Variants in ZNF513 observed in about 807,000 individuals in gnomAD.
ZNF513 encodes zinc finger protein 513.
In ZNF513, 16 loss-of-function variants were observed where a neutral mutation model predicts 39.7. The observed-to-expected ratio is 0.40, with a 90% confidence interval of 0.27 to 0.61. The LOEUF is 0.61. Among genes scored for constraint, ZNF513 ranks in the 20% least tolerant of loss-of-function variants. The pLI is 0.39. For missense variants in ZNF513, 699 were observed against 743.6 expected, an observed-to-expected ratio of 0.94 and a Z score of 0.70; for synonymous variants, 348 against 296.5, an observed-to-expected ratio of 1.17 and a Z score of -1.79.
At position 27,380,511 on chromosome 2, in the gene ZNF513, G is replaced by A. The variant is rs1339532711; in HGVS notation, c.16C>T (p.Gln6Ter). Residue 6 changes from glutamine to a stop codon, truncating the protein, a stop_gained, in exon 1 of 4, where the codon CAA becomes TAA. Coordinates refer to ENST00000323703, the MANE Select transcript of ZNF513 (RefSeq NM_144631.6). LOFTEE classifies it high-confidence loss of function. MPRRK[Q>*]SHPQPVKCEG... ...CATTTCACGGGCTGCGGGTGGCTTTGCTTCCTTCGGGGCATCGTGACCGGC... is the reference window on the plus strand; with the variant it reads ...CATTTCACGGGCTGCGGGTGGCTTTACTTCCTTCGGGGCATCGTGACCGGC... The A allele has an allele frequency of 1.9e-6, 3 of 1,578,940 alleles. No individual in the cohort carries two copies. Among genetic ancestry groups the A allele is most frequent in the Non-Finnish European group, 2.6e-6 (3 of 1,153,832 alleles).
In ZNF513 at chr2:27,378,993, G is replaced by T; in HGVS notation, c.273C>A (p.Gly91=). Residue 91 remains glycine, a synonymous_variant, in exon 3 of 4, where the codon GGC becomes GGA. Transcript: ENST00000323703. The surrounding 1 kb of genome is among the most constrained non-coding windows in gnomAD (Gnocchi z 8.0). ...PYGLSDDESG[G]GRALSAESEV... ...CACTCTCCGCACTTAGTGCCCGGCC[G>T]CCCCCAGACTCATCGTCGCTCAGCC... The T allele has an allele frequency of 6.2e-7, 1 of 1,613,068 alleles. No individual in the cohort carries two copies. Among genetic ancestry groups the T allele is most frequent in the Non-Finnish European group, 8.5e-7 (1 of 1,179,930 alleles).
chr2:27,377,666 G>A lies in ZNF513; in HGVS notation c.1505C>T (p.Pro502Leu). 1 of 1,614,164 alleles carries A rather than the reference G, an allele frequency of 6.2e-7. No homozygotes were observed. Among genetic ancestry groups the A allele is most frequent in the Non-Finnish European group, 8.5e-7 (1 of 1,180,038 alleles). ...KVHGHGGAGG[P>L]GLSASEGWAP... ...CCAGCCCTCAGAGGCAGAGAGACCAGGCCCTCCTGCCCCACCGTGGCCATG... is the reference window on the plus strand; with the variant it reads ...CCAGCCCTCAGAGGCAGAGAGACCAAGCCCTCCTGCCCCACCGTGGCCATG... The change falls in exon 4 of 4, where the codon CCT becomes CTT. Residue 502 changes from proline to leucine, a missense_variant. Pro to Leu is a moderately conservative substitution (Grantham distance 98). This residue lies in a region of ZNF513 where 71 missense variants were observed against 64.1 expected (regional missense o/e 1.11). Coordinates refer to ENST00000323703, the MANE Select transcript of ZNF513 (RefSeq NM_144631.6). The surrounding 1 kb of genome is among the most constrained non-coding windows in gnomAD (Gnocchi z 4.4).
rs756896556 is a variant in ZNF513 at position 27,377,998 on chromosome 2, G to A, written c.1173C>T (p.Ala391=). Residue 391 remains alanine (A), a synonymous_variant, in exon 4 of 4, where the codon GCC becomes GCT. Transcript: ENST00000323703. This position sits in a 1 kb window ranked among gnomAD's most constrained non-coding sequence, Gnocchi z 4.4. ...THSGEKPFRC[A]RCPYASAHLD... ...GATGAGCAGAGGCATAAGGACAGCG[G>A]GCGCAGCGGAAGGGCTTCTCACCAC... The A allele has an allele frequency of 6.2e-7, 1 of 1,612,972 alleles. No homozygotes were observed. The highest frequency in any genetic ancestry group is 8.5e-7 in the Non-Finnish European group (1 of 1,179,046).
chr2:27,380,678 G>A lies in ZNF513; in HGVS notation c.-152C>T. Reference sequence around the variant, plus strand: ...CTGGGCAGCCCCCGGCCCTGGCCCCGGCGCCCAGCTCAGGCCGCTCCCGCC... The same window carrying A: ...CTGGGCAGCCCCCGGCCCTGGCCCCAGCGCCCAGCTCAGGCCGCTCCCGCC... On this transcript the variant is annotated 5_prime_UTR_variant, in exon 1 of 4. Coordinates refer to ENST00000323703, the MANE Select transcript of ZNF513 (RefSeq NM_144631.6). 3.2e-6 allele frequency: 4 copies of A among 1,256,082 alleles called. No individual in the cohort carries two copies. Among genetic ancestry groups the A allele is most frequent in the South Asian group, 3.1e-5 (1 of 32,452 alleles). 77.8% of individuals were successfully genotyped at this position (1,256,082 alleles called of 1,614,324 possible).
At chr2:27,379,317 C>T (rs1468306254) in intron 2 of ZNF513, among the ~76,000 whole-genome samples, 1 of 152,130 alleles carries the variant, frequency 6.6e-6, no homozygotes, top group East Asian at 1.9e-4. Flanking sequence ...GGATCAAGGG[C>T]TCACAGTGGA....
rs1050623709 is a variant in ZNF513, at chr2:27,377,447, T to C, written c.*98A>G. 5 of 1,372,892 alleles carry C rather than the reference T, an allele frequency of 3.6e-6. No individual in the cohort carries two copies. The highest frequency in any genetic ancestry group is 1.4e-5 in the African/African-American group (1 of 70,394). The allele number at this position is 1,372,892 out of a possible 1,614,324, so 85.0% of individuals were successfully genotyped here. On this transcript the variant is annotated 3_prime_UTR_variant, in exon 4 of 4. Coordinates refer to ENST00000323703, the MANE Select transcript of ZNF513 (RefSeq NM_144631.6). This position sits in a 1 kb window ranked among gnomAD's most constrained non-coding sequence, Gnocchi z 4.4. ...GCCCATGGGGTTGGGCTGGTCCTTATAGTGCCTACGTTAGTCTGTGTGGAG... is the reference window on the plus strand; with the variant it reads ...GCCCATGGGGTTGGGCTGGTCCTTACAGTGCCTACGTTAGTCTGTGTGGAG...
Position 27,378,198 on chromosome 2 carries a change from C to T in ZNF513, c.973G>A (p.Glu325Lys), listed in dbSNP as rs1683435423. ...TCRGCGQELE[E>K]GEGSRLGAAM... is the part of the protein sequence containing the mutation. ...GCTCCCAGCCGACTACCCTCACCCT[C>T]CTCCAGCTCTTGTCCACAGCCCCGG... Residue 325 changes from glutamate (E) to lysine (K), a missense_variant, in exon 4 of 4, where the codon GAG becomes AAG. By Grantham distance (56) the Glu-to-Lys change is moderately conservative (BLOSUM62 1). Coordinates refer to ENST00000323703, the MANE Select transcript of ZNF513 (RefSeq NM_144631.6). This position sits in a 1 kb window ranked among gnomAD's most constrained non-coding sequence, Gnocchi z 8.0. 2 of 1,609,692 alleles carry T rather than the reference C, an allele frequency of 1.2e-6. No homozygotes were observed. The highest frequency in any genetic ancestry group is 1.7e-6 in the Non-Finnish European group (2 of 1,179,938).
chr2:27,379,821 G>A (rs187377448), intron 2 of ZNF513, among the ~76,000 whole-genome samples: 163 of 152,308 alleles, frequency 1.1e-3, no homozygotes, highest in African/African-American at 3.6e-3. Flanking sequence ...AATGGGCTAG[G>A]GAGAGAGACA....
chr2:27,379,095 G>A (rs1558313392), intron 2 of ZNF513, 41 bp from the exon 3 acceptor site: 3 of 1,594,080 alleles, frequency 1.9e-6, no homozygotes, highest in Non-Finnish European at 2.6e-6. Flanking sequence ...GCATAGGGTA[G>A]GATCAGGCTC....
Position 27,378,987 on chromosome 2 carries a change from C to T in ZNF513, c.279G>A (p.Arg93=), listed in dbSNP as rs2148413841. The T allele has an allele frequency of 6.2e-7, 1 of 1,613,102 alleles. No homozygotes were observed. Among genetic ancestry groups the T allele is most frequent in the Admixed American group, 1.7e-5 (1 of 60,010 alleles). Residue 93 remains arginine (R), a synonymous_variant, in exon 3 of 4, where the codon CGG becomes CGA. Coordinates refer to ENST00000323703, the MANE Select transcript of ZNF513 (RefSeq NM_144631.6). The surrounding 1 kb of genome is among the most constrained non-coding windows in gnomAD (Gnocchi z 8.0). ...GLSDDESGGG[R]ALSAESEVEE... Reference sequence around the variant, plus strand: ...CAACTTCACTCTCCGCACTTAGTGCCCGGCCGCCCCCAGACTCATCGTCGC... The same window carrying T: ...CAACTTCACTCTCCGCACTTAGTGCTCGGCCGCCCCCAGACTCATCGTCGC...
In ZNF513 at chr2:27,377,770, T is replaced by G; in HGVS notation, c.1401A>C (p.Thr467=). The G allele has an allele frequency of 6.2e-7, 1 of 1,611,350 alleles. No homozygotes were observed. Among genetic ancestry groups the G allele is most frequent in the Non-Finnish European group, 8.5e-7 (1 of 1,179,066 alleles). Residue 467 remains threonine (T), a synonymous_variant, in exon 4 of 4, where the codon ACA becomes ACC. Coordinates refer to ENST00000323703, the MANE Select transcript of ZNF513 (RefSeq NM_144631.6). This position sits in a 1 kb window ranked among gnomAD's most constrained non-coding sequence, Gnocchi z 4.4. Reference sequence around the variant, plus strand: ...TGGCACAGCGGAAGGGCTTCTCGCCTGTGTGCCGCAGCATGTGACGTTTGA... The same window carrying G: ...TGGCACAGCGGAAGGGCTTCTCGCCGGTGTGCCGCAGCATGTGACGTTTGA... The part of the protein sequence containing the change: ...MNLKRHMLRH[T]GEKPFRCATC...
chr2:27,377,675 G>C lies in ZNF513; in HGVS notation c.1496C>G (p.Ala499Gly). The C allele has an allele frequency of 1.2e-6, 2 of 1,614,134 alleles. No individual in the cohort carries two copies. The highest frequency in any genetic ancestry group is 2.2e-5 in the South Asian group (2 of 91,080). Residue 499 changes from alanine to glycine, a missense_variant, in exon 4 of 4, where the codon GCA becomes GGA. By Grantham distance (60) the Ala-to-Gly change is moderately conservative (BLOSUM62 0). Around this residue, in one of 3 missense-constraint regions of ZNF513, gnomAD observed 71 missense variants for 64.1 expected, o/e 1.11. Transcript: ENST00000323703. This position sits in a 1 kb window ranked among gnomAD's most constrained non-coding sequence, Gnocchi z 4.4. ...AGAGGCAGAGAGACCAGGCCCTCCT[G>C]CCCCACCGTGGCCATGCACCTTCTG... ...RHQKVHGHGG[A>G]GGPGLSASEG...
rs150826199 is a variant in ZNF513, at chr2:27,378,541, C to T, written c.725G>A (p.Arg242His). 3.4e-5 allele frequency: 55 copies of T among 1,614,066 alleles called. No homozygotes were observed. In the African/African-American group the frequency reaches 5.7e-4, roughly 17 times the overall value. The part of the protein sequence containing the change: ...PTPPCPTCGF[R>H]CCTPRPARPP... ...CCGGGCTGGTCGTGGAGTACAGCAG[C>T]GGAAGCCACAGGTCGGGCAGGGAGG... Residue 242 changes from arginine (R) to histidine (H), a missense_variant, in exon 3 of 4, where the codon CGC becomes CAC. Arg to His is a conservative substitution (Grantham distance 29). This residue lies in a region of ZNF513 where 530 missense variants were observed against 499.3 expected (regional missense o/e 1.06). Transcript: ENST00000323703. The surrounding 1 kb of genome is among the most constrained non-coding windows in gnomAD (Gnocchi z 8.0).
Position 27,378,314 on chromosome 2 carries a change from A to G in ZNF513, c.857T>C (p.Leu286Pro). The G allele has an allele frequency of 1.2e-6, 2 of 1,601,182 alleles. No individual in the cohort carries two copies. Among genetic ancestry groups the G allele is most frequent in the Non-Finnish European group, 1.7e-6 (2 of 1,179,958 alleles). The change falls in exon 4 of 4, where the codon CTG (leucine) becomes CCG (proline). Residue 286 changes from leucine (L) to proline (P), a missense_variant. By Grantham distance (98) the Leu-to-Pro change is moderately conservative. Around this residue, in one of 3 missense-constraint regions of ZNF513, gnomAD observed 530 missense variants for 499.3 expected, o/e 1.06. Coordinates refer to ENST00000323703, the MANE Select transcript of ZNF513 (RefSeq NM_144631.6). The surrounding 1 kb of genome is among the most constrained non-coding windows in gnomAD (Gnocchi z 8.0). ...LHVPPGGASF[L>P]PDCGQLRGEG... ...ACCCCGCAGCTGCCCACAGTCTGGC[A>G]GGAAACTGGCACCACCTGGTGGCAC...
In ZNF513 at chr2:27,378,120, C is replaced by T. The variant is rs926609518; in HGVS notation, c.1051G>A (p.Gly351Arg). 1 of 1,613,692 alleles carries T rather than the reference C, an allele frequency of 6.2e-7. No homozygotes were observed. ...CCTTTGTCACTGGGGCCCTGGGGCC[C>T]CCCACTGGCACCCCCTCCAGCCTCT... ...RGEAGGGASGGPQGPSDKGFA... is the reference protein window; with the variant it reads ...RGEAGGGASGRPQGPSDKGFA... The change falls in exon 4 of 4, where the codon GGG (glycine) becomes AGG (arginine). Residue 351 changes from glycine (G) to arginine (R), a missense_variant. By Grantham distance (125) the Gly-to-Arg change is moderately radical. Around this residue, in one of 3 missense-constraint regions of ZNF513, gnomAD observed 530 missense variants for 499.3 expected, o/e 1.06. Coordinates refer to ENST00000323703, the MANE Select transcript of ZNF513 (RefSeq NM_144631.6). The surrounding 1 kb of genome is among the most constrained non-coding windows in gnomAD (Gnocchi z 8.0).
chr2:27,379,114 C>A, intron 2 of ZNF513, 60 bp from the exon 3 acceptor site: 1 of 1,532,324 alleles, frequency 6.5e-7, no homozygotes. Flanking sequence ...TCCAAACTCT[C>A]CCCTTTTCAC....
chr2:27,379,990 C>A, intron 2 of ZNF513, 103 bp downstream of exon 2: 1 of 1,480,514 alleles, frequency 6.8e-7, no homozygotes, highest in South Asian at 1.1e-5. Flanking sequence ...CTAAACCAGC[C>A]CTCGGTTGTG....
At position 27,378,129 on chromosome 2, in the gene ZNF513, C is replaced by T. The variant is rs2148412301; in HGVS notation, c.1042G>A (p.Ala348Thr). 2 of 1,613,644 alleles carry T rather than the reference C, an allele frequency of 1.2e-6. No homozygotes were observed. The highest frequency in any genetic ancestry group is 1.7e-6 in the Non-Finnish European group (2 of 1,179,776). The change falls in exon 4 of 4, where the codon GCC (alanine) becomes ACC (threonine). Residue 348 changes from alanine (A) to threonine (T), a missense_variant. Transcript: ENST00000323703. This position sits in a 1 kb window ranked among gnomAD's most constrained non-coding sequence, Gnocchi z 8.0. ...RCMRGEAGGG[A>T]SGGPQGPSDK... Reference sequence around the variant, plus strand: ...CTGGGGCCCTGGGGCCCCCCACTGGCACCCCCTCCAGCCTCTCCTCGCATG... The same window carrying T: ...CTGGGGCCCTGGGGCCCCCCACTGGTACCCCCTCCAGCCTCTCCTCGCATG...
At position 27,377,869 on chromosome 2, in the gene ZNF513, A is replaced by G. The variant is rs1435220199; in HGVS notation, c.1302T>C (p.His434=). Residue 434 remains histidine (H), a synonymous_variant, in exon 4 of 4, where the codon CAT becomes CAC. Coordinates refer to ENST00000323703, the MANE Select transcript of ZNF513 (RefSeq NM_144631.6). This position sits in a 1 kb window ranked among gnomAD's most constrained non-coding sequence, Gnocchi z 4.4. The part of the protein sequence containing the change: ...ACGNLANLKR[H]GRIHSGDKPF... Reference sequence around the variant, plus strand: ...GTTTGTCACCAGAGTGGATGCGACCATGACGCTTGAGGTTGGCCAGATTGC... The same window carrying G: ...GTTTGTCACCAGAGTGGATGCGACCGTGACGCTTGAGGTTGGCCAGATTGC... 8 of 1,614,062 alleles carry G rather than the reference A, an allele frequency of 5.0e-6. No homozygotes were observed. Among genetic ancestry groups the G allele is most frequent in the South Asian group, 1.1e-5 (1 of 91,090 alleles).
Sources: allele counts gnomAD v4.1 joint callset (sites outside exome capture counted in the v4.1 genomes callset), GRCh38; gene constraint gnomAD v4.1.1; regional missense constraint gnomAD v4.1.1; non-coding constraint Gnocchi (gnomAD v3.1); transcripts MANE v1.5; gene names NCBI Gene and HGNC (gene_info 2026-07-23, HGNC 2026-07-21).